Variants in LINGO2 observed in about 807,000 individuals in gnomAD.
The protein encoded by LINGO2 is leucine rich repeat and Ig domain containing 2.
Under a neutral mutation model 30.6 loss-of-function variants are expected in LINGO2, and 14 were observed. The ratio of observed to expected loss-of-function variants is 0.46; its 90% CI spans 0.30 to 0.72. The LOEUF (loss-of-function observed/expected upper bound fraction) is 0.72. Ranked by LOEUF, LINGO2 falls within the 30% of genes least tolerant of loss-of-function variation. The pLI is 0.07. For synonymous variants in LINGO2, 317 were observed against 288.5 expected (o/e 1.10, Z -1.00); for missense variants, 729 against 751.7 (o/e 0.97, Z 0.35).
At chr9:28,711,091 G>C in the LINGO2 span, among the ~76,000 whole-genome samples, 1,010 of 152,028 alleles carry the variant, frequency 6.6e-3, 6 homozygotes, top group African/African-American at 0.023. Context: ...ACTACCTTGA[G>C]CTTCAGTGAT....
chr9:28,771,841 A>G, the LINGO2 span, among the ~76,000 whole-genome samples: 1 of 152,136 alleles, frequency 6.6e-6, no homozygotes, highest in Non-Finnish European at 1.5e-5. Context: ...ATGTCTCAGT[A>G]TAGATCTTTT....
At chr9:28,189,807 A>G (rs1271363453) in intron 4 of LINGO2, among the ~76,000 whole-genome samples, 3 of 152,168 alleles carry the variant, frequency 2.0e-5, no homozygotes, top group African/African-American at 7.2e-5. Flanking sequence ...AGCAGTTGTG[A>G]TCAAGGGCTT....
At chr9:28,673,960 T>C (rs1490779322), upstream of LINGO2, among the ~76,000 whole-genome samples, 1 of 144,642 alleles carries the variant, frequency 6.9e-6, no homozygotes, top group South Asian at 2.2e-4. Context: ...AAAGAAAAAA[T>C]AAAAAAAAAA....
chr9:28,636,849 G>T (rs947920539), intron 1 of LINGO2, among the ~76,000 whole-genome samples: 4 of 152,048 alleles, frequency 2.6e-5, no homozygotes, highest in African/African-American at 9.7e-5. Flanking sequence ...ATCAATTTTG[G>T]CTTTTGTTGC....
rs1186497277 is a variant in LINGO2 at position 28,336,610 on chromosome 9, T to A, written c.-246+36226A>T. 2.5e-4 allele frequency among the ~76,000 whole-genome samples: 38 copies of A among 152,180 alleles called. 2 individuals are homozygous for A. Among genetic ancestry groups the A allele is most frequent in the Admixed American group, 2.5e-3 (38 of 15,270 alleles). On this transcript the variant is annotated intron_variant, in intron 3 of 5. Transcript: ENST00000379992. ...AAATAACATCAGTTTTAGGTCAAAC[T>A]TCATTCTTTGGTCTACTGCTGTTCA...
At chr9:28,795,257 T>G in the LINGO2 span, among the ~76,000 whole-genome samples, 1 of 152,204 alleles carries the variant, frequency 6.6e-6, no homozygotes, top group Non-Finnish European at 1.5e-5. Flanking sequence ...AAATACCGTG[T>G]GCTCAATTAA....
chr9:28,576,644 T>G (rs923474980), intron 1 of LINGO2, among the ~76,000 whole-genome samples: 1 of 152,172 alleles, frequency 6.6e-6, no homozygotes, highest in Non-Finnish European at 1.5e-5. Flanking sequence ...TTTTAGGATT[T>G]TTTTGAAGCA....
intron 2 of LINGO2, among the ~76,000 whole-genome samples, chr9:28,441,675 A>G (rs1452135266): frequency 6.6e-6 from 1 of 152,178 alleles, no homozygotes; most frequent in Non-Finnish European, 1.5e-5. Context: ...ATGCATTTAT[A>G]GTTACCACGC....
chr9:29,178,149 G>A, the LINGO2 span, among the ~76,000 whole-genome samples: 3 of 151,704 alleles, frequency 2.0e-5, no homozygotes, highest in Admixed American at 2.0e-4. Flanking sequence ...TCCGCCTCCT[G>A]GGTCCAAGTA....
chr9:29,127,717 CA>C, the LINGO2 span, among the ~76,000 whole-genome samples: 2 of 152,028 alleles, frequency 1.3e-5, no homozygotes, highest in African/African-American at 4.8e-5. Flanking sequence ...ACCTGAAGGC[CA>C]CAAAGTGAAT....
the LINGO2 span, among the ~76,000 whole-genome samples, chr9:28,712,590 G>T: frequency 6.6e-6 from 1 of 150,978 alleles, no homozygotes; most frequent in Non-Finnish European, 1.5e-5. Flanking sequence ...ATAATAAACA[G>T]TACCTACTTT....
At chr9:28,733,675 T>C in the LINGO2 span, among the ~76,000 whole-genome samples, 1 of 152,156 alleles carries the variant, frequency 6.6e-6, no homozygotes, top group African/African-American at 2.4e-5. Flanking sequence ...TCTCTATCAC[T>C]TCTGTGATAT....
chr9:28,005,381 T>C (rs1308891930), intron 5 of LINGO2, among the ~76,000 whole-genome samples: 1 of 152,152 alleles, frequency 6.6e-6, no homozygotes. Flanking sequence ...TCTGAGATGA[T>C]TTCAGAACAA....
At chr9:28,888,528 A>T in the LINGO2 span, among the ~76,000 whole-genome samples, 2 of 152,074 alleles carry the variant, frequency 1.3e-5, no homozygotes, top group Non-Finnish European at 2.9e-5. Context: ...ATGATTTTTA[A>T]TTTTTTCCTT....
chr9:28,926,023 C>A, the LINGO2 span, among the ~76,000 whole-genome samples: 11 of 151,992 alleles, frequency 7.2e-5, no homozygotes, highest in Non-Finnish European at 1.6e-4. Context: ...CTAAAGAAAC[C>A]ATTTGGTTAA....
the LINGO2 span, among the ~76,000 whole-genome samples, chr9:28,798,757 G>C: frequency 6.6e-6 from 1 of 152,210 alleles, no homozygotes; most frequent in East Asian, 1.9e-4. Context: ...CATCAGGTTT[G>C]TTCGCTTGCT....
intron 4 of LINGO2, among the ~76,000 whole-genome samples, chr9:28,223,879 C>T (rs1431800901): frequency 2.0e-5 from 3 of 151,976 alleles, no homozygotes; most frequent in Admixed American, 6.5e-5. Context: ...GTATTTAGCC[C>T]CCAAAATAAG....
intron 1 of LINGO2, among the ~76,000 whole-genome samples, chr9:28,495,689 G>T (rs1433769771): frequency 6.6e-6 from 1 of 152,008 alleles, no homozygotes; most frequent in Admixed American, 6.6e-5. Context: ...GTTATTTCTT[G>T]CCTTCTGATA....
At chr9:28,167,392 T>G (rs1828461185) in intron 4 of LINGO2, among the ~76,000 whole-genome samples, 1 of 152,162 alleles carries the variant, frequency 6.6e-6, no homozygotes, top group Non-Finnish European at 1.5e-5. Context: ...TTTGTTTGTT[T>G]CCTTTTGAGA....
Sources: allele counts gnomAD v4.1 joint callset (sites outside exome capture counted in the v4.1 genomes callset), GRCh38; gene constraint gnomAD v4.1.1; transcripts MANE v1.5; gene names NCBI Gene and HGNC (gene_info 2026-07-23, HGNC 2026-07-21).